Variants in IL17RE observed in about 807,000 individuals in gnomAD.
The protein encoded by IL17RE is interleukin 17 receptor E, also known as interleukin-17 receptor E.
IL17RE carries 47 observed loss-of-function variants against 70.7 expected under a neutral mutation model. That is an observed-to-expected ratio of 0.67 (90% confidence interval 0.53 to 0.85). IL17RE has a LOEUF of 0.85. Ranked by LOEUF, IL17RE falls within the 40% of genes least tolerant of loss-of-function variation. IL17RE has a pLI of 0.00. For synonymous variants in IL17RE, 372 were observed against 381.2 expected (o/e 0.98, Z 0.28); for missense variants, 850 against 893.9 (o/e 0.95, Z 0.63).
intron 3 of IL17RE, among the ~76,000 whole-genome samples, chr3:9,905,945 T>C (rs2082743639): frequency 1.3e-5 from 2 of 152,088 alleles, no homozygotes; most frequent in Non-Finnish European, 1.5e-5. Flanking sequence ...TTGACATCCT[T>C]ACCCTCCTTG....
At chr3:9,908,938 C>A (rs1353924574) in intron 7 of IL17RE, among the ~76,000 whole-genome samples, 1 of 152,082 alleles carries the variant, frequency 6.6e-6, no homozygotes, top group African/African-American at 2.4e-5. Flanking sequence ...CAGAGAAGAC[C>A]AAAGCTGAGG....
In IL17RE at chr3:9,916,025, A is replaced by G; in HGVS notation, c.*218A>G. The G allele has an allele frequency of 1.4e-6, 1 of 726,948 alleles. No individual in the cohort carries two copies. The allele number at this position is 726,948 out of a possible 1,614,324, so 45.0% of individuals were successfully genotyped here. On this transcript the variant is annotated 3_prime_UTR_variant, in exon 16 of 16. Coordinates refer to ENST00000383814, the MANE Select transcript of IL17RE (RefSeq NM_153480.2). ...TTTCCCTTGACTGAGAGCTCCTCTA[A>G]CCCCTGTTCTGATGGGGGAGGGCGG... is the stretch of plus-strand genomic sequence containing the variant.
At chr3:9,912,361 C>T (rs2082913471) in intron 12 of IL17RE, among the ~76,000 whole-genome samples, 1 of 152,166 alleles carries the variant, frequency 6.6e-6, no homozygotes. Context: ...TGATGCCTTC[C>T]CTTGAACCCA....
chr3:9,905,013 T>G (rs1286500286), intron 3 of IL17RE, among the ~76,000 whole-genome samples: 1 of 139,358 alleles, frequency 7.2e-6, no homozygotes, highest in South Asian at 2.2e-4. Flanking sequence ...GAGGATCACC[T>G]GAATTCAGGA....
rs190040397 is a variant in IL17RE, at chr3:9,911,543, C to A, written c.1173C>A (p.Ser391Arg). Residue 391 changes from serine (S) to arginine (R), a missense_variant, in exon 12 of 16, where the codon AGC (serine) becomes AGA (arginine). Physicochemically the swap from Ser to Arg is moderately radical, Grantham distance 110 (BLOSUM62 -1). Coordinates refer to ENST00000383814, the MANE Select transcript of IL17RE (RefSeq NM_153480.2). ...RMHATFSAAWSLPGLGQDTLV... is the reference protein window; with the variant it reads ...RMHATFSAAWRLPGLGQDTLV... ...ATGCCACCTTCAGTGCTGCCTGGAG[C>A]CTCCCAGGCTTGGGGCAGGACACTT... The A allele has an allele frequency of 1.9e-6, 3 of 1,614,158 alleles. No individual in the cohort carries two copies. The highest frequency in any genetic ancestry group is 1.3e-5 in the African/African-American group (1 of 75,058).
chr3:9,915,431 C>A lies in IL17RE; in HGVS notation c.1628C>A (p.Ala543Glu), dbSNP rs762794268. ...ARVGPLPWLW[A>E]ARTRVAREQG... The stretch of plus-strand genomic sequence containing the variant: ...GTGGGCCCGCTGCCGTGGCTCTGGG[C>A]GGCGCGGACGCGCGTAGCGCGGGAG... Residue 543 changes from alanine to glutamate, a missense_variant, in exon 16 of 16, where the codon GCG becomes GAG. By Grantham distance (107) the Ala-to-Glu change is moderately radical. Transcript: ENST00000383814. The surrounding 1 kb of genome is among the most constrained non-coding windows in gnomAD (Gnocchi z 4.9). 2.2e-6 allele frequency: 3 copies of A among 1,355,746 alleles called. No individual in the cohort carries two copies. The highest frequency in any genetic ancestry group is 1.5e-5 in the African/African-American group (1 of 65,432). 84.0% of individuals were successfully genotyped at this position (1,355,746 alleles called of 1,614,324 possible).
At position 9,906,436 on chromosome 3, in the gene IL17RE, G is replaced by A; in HGVS notation, c.341G>A (p.Arg114Lys). 6.2e-7 allele frequency: 1 copy of A among 1,613,544 alleles called. No homozygotes were observed. The highest frequency in any genetic ancestry group is 8.5e-7 in the Non-Finnish European group (1 of 1,179,570). The stretch of plus-strand genomic sequence containing the variant: ...TCTTCCACATTCAAGTTCTATAGGA[G>A]ACACAAGATGCCAGCACCTGCTCAG... ...KKSSTFKFYR[R>K]HKMPAPAQRK... The change falls in exon 4 of 16, where the codon AGA (arginine) becomes AAA (lysine). Residue 114 changes from arginine (R) to lysine (K), a missense_variant. Arg to Lys is a conservative substitution (Grantham distance 26). Coordinates refer to ENST00000383814, the MANE Select transcript of IL17RE (RefSeq NM_153480.2).
At position 9,903,150 on chromosome 3, in the gene IL17RE, A is replaced by G. The variant is rs1190002152; in HGVS notation, c.132+86A>G. 6 of 1,266,618 alleles carry G rather than the reference A, an allele frequency of 4.7e-6. No individual in the cohort carries two copies. In the African/African-American group the frequency reaches 8.8e-5, roughly 19 times the overall value. The allele number at this position is 1,266,618 out of a possible 1,614,324, so 78.5% of individuals were successfully genotyped here. A position where few individuals can be genotyped will look rare whatever the true frequency, so the allele number is the denominator to read the frequency against. On this transcript the variant is annotated intron_variant, in intron 1 of 15. Coordinates refer to ENST00000383814, the MANE Select transcript of IL17RE (RefSeq NM_153480.2). ...CCTGCCTGCCCTGTGCTACCTCCGC[A>G]GTCCCTGTGCTCTGGTGGCAGCTTT...
At position 9,914,428 on chromosome 3, in the gene IL17RE, C is replaced by T. The variant is rs756768676; in HGVS notation, c.1297-120C>T. On this transcript the variant is annotated intron_variant, in intron 13 of 15. Coordinates refer to ENST00000383814, the MANE Select transcript of IL17RE (RefSeq NM_153480.2). ...CTAGCAGCTGGAGCAGACACAAACC[C>T]ACCTGGGAAGAATTCCCTAGCCAGT... 37 of 1,532,188 alleles carry T rather than the reference C, an allele frequency of 2.4e-5. No individual in the cohort carries two copies. In the African/African-American group the frequency reaches 4.4e-4, roughly 18 times the overall value. 94.9% of individuals were successfully genotyped at this position (1,532,188 alleles called of 1,614,324 possible).
intron 11 of IL17RE, 63 bp downstream of exon 11, chr3:9,911,363 C>G: frequency 6.2e-7 from 1 of 1,613,066 alleles, no homozygotes; most frequent in African/African-American, 1.3e-5. Flanking sequence ...CCAACTGTAA[C>G]CAAGCTAAAC....
Position 9,916,016 on chromosome 3 carries a change from G to A in IL17RE, c.*209G>A. ...TCCTCATACTTTCCCTTGACTGAGA[G>A]CTCCTCTAACCCCTGTTCTGATGGG... On this transcript the variant is annotated 3_prime_UTR_variant, in exon 16 of 16. Transcript: ENST00000383814. The A allele has an allele frequency of 2.3e-6, 2 of 862,246 alleles. No individual in the cohort carries two copies. Among genetic ancestry groups the A allele is most frequent in the Middle Eastern group, 3.9e-4 (1 of 2,560 alleles). 53.4% of individuals were successfully genotyped at this position (862,246 alleles called of 1,614,324 possible).
intron 6 of IL17RE, 123 bp downstream of exon 6, chr3:9,907,223 C>T (rs1432697196): frequency 8.0e-6 from 10 of 1,251,944 alleles, no homozygotes; most frequent in South Asian, 6.9e-5. Flanking sequence ...GACCTCCTTA[C>T]AAGCTGAAGG....
intron 8 of IL17RE, chr3:9,909,546 T>C (rs2082843244): frequency 6.2e-6 from 3 of 486,454 alleles, no homozygotes; most frequent in Non-Finnish European, 7.4e-6. Context: ...GCCTAGGAGA[T>C]GGTGTCCTAA....
In IL17RE at chr3:9,911,074, AG is replaced by A. The variant is rs575206090; in HGVS notation, c.978+37del. ...AGGTTCCCCCAGGACCAGGGTGGGC[AG>A]GGCTGGGGCCCAGGAATTTTCTCCC... On this transcript the variant is annotated intron_variant, in intron 9 of 15. Transcript: ENST00000383814. The A allele has an allele frequency of 2.7e-5, 44 of 1,609,050 alleles. No homozygotes were observed. The African/African-American group carries it at 5.6e-4, about 20-fold the overall frequency.
At chr3:9,909,352 T>TGTACACACACACAC in intron 8 of IL17RE, 69 bp downstream of exon 8, 1 of 1,254,112 alleles carries the variant, frequency 8.0e-7, no homozygotes, top group South Asian at 1.2e-5. Context: ...TACACACACA[T>TGTACACACACACAC]GTACACACAC....
chr3:9,912,253 T>C (rs1466498261), intron 12 of IL17RE, among the ~76,000 whole-genome samples: 3 of 152,104 alleles, frequency 2.0e-5, no homozygotes, highest in Admixed American at 6.5e-5. Flanking sequence ...CCCCAACCCC[T>C]TCAACCTCTG....
intron 6 of IL17RE, among the ~76,000 whole-genome samples, chr3:9,907,599 A>G (rs1424811045): frequency 6.6e-6 from 1 of 152,116 alleles, no homozygotes; most frequent in African/African-American, 2.4e-5. Flanking sequence ...CCTTTCCTTG[A>G]GCTTCAAGTT....
At position 9,915,520 on chromosome 3, in the gene IL17RE, C is replaced by T; in HGVS notation, c.1717C>T (p.Arg573Cys). The change falls in exon 16 of 16, where the codon CGC becomes TGC. Residue 573 changes from arginine to cysteine, a missense_variant. Arg to Cys is a radical substitution (Grantham distance 180). Coordinates refer to ENST00000383814, the MANE Select transcript of IL17RE (RefSeq NM_153480.2). The surrounding 1 kb of genome is among the most constrained non-coding windows in gnomAD (Gnocchi z 4.9). ...DLRPVSGPDPRAAPLLALLHA... is the reference protein window; with the variant it reads ...DLRPVSGPDPCAAPLLALLHA... Reference sequence around the variant, plus strand: ...TCGCCCGGTCAGCGGCCCCGACCCCCGCGCCGCGCCCCTGCTCGCCCTGCT... The same window carrying T: ...TCGCCCGGTCAGCGGCCCCGACCCCTGCGCCGCGCCCCTGCTCGCCCTGCT... 1.5e-6 allele frequency: 2 copies of T among 1,320,760 alleles called. No homozygotes were observed. The highest frequency in any genetic ancestry group is 4.4e-5 in the South Asian group (2 of 45,704). The allele number at this position is 1,320,760 out of a possible 1,614,324, so 81.8% of individuals were successfully genotyped here. A position where few individuals can be genotyped will look rare whatever the true frequency, so the allele number is the denominator to read the frequency against.
At chr3:9,914,471 C>T in intron 13 of IL17RE, 77 bp from the exon 14 acceptor site, 1 of 1,592,542 alleles carries the variant, frequency 6.3e-7, no homozygotes, top group Non-Finnish European at 8.5e-7. Context: ...CCCCTCTCCC[C>T]CAGCTCCATG....
Sources: gnomAD v4.1 joint callset for allele counts (sites outside exome capture counted in the v4.1 genomes callset) on GRCh38, gnomAD v4.1.1 for gene constraint, Gnocchi (gnomAD v3.1) non-coding constraint, MANE v1.5 for transcripts, NCBI Gene and HGNC (gene_info 2026-07-23, HGNC 2026-07-21) for gene names.